The following MIPOL1 variants were observed in gnomAD, a reference collection of about 807,000 sequenced individuals.
MIPOL1 encodes the protein mirror-image polydactyly 1.
In MIPOL1, 57 loss-of-function variants were observed where a neutral mutation model predicts 60.9. The observed-to-expected ratio is 0.94, with a 90% CI of 0.76 to 1.17. MIPOL1 has a LOEUF of 1.17. Among genes scored for constraint, MIPOL1 ranks in the 50% most tolerant of loss-of-function variants. The pLI is 0.00. For missense variants in MIPOL1, 551 were observed against 511.6 expected (o/e 1.08, Z -0.74); for synonymous variants, 179 against 168.8 (o/e 1.06, Z -0.47).
intron 10 of MIPOL1, among the ~76,000 whole-genome samples, chr14:37,420,504 A>G (rs1316158054): frequency 2.0e-5 from 3 of 152,186 alleles, no homozygotes. Context: ...TATTTTTGAC[A>G]TATAGTATGA....
At chr14:37,437,519 T>C (rs754352934) in intron 11 of MIPOL1, among the ~76,000 whole-genome samples, 3 of 152,204 alleles carry the variant, frequency 2.0e-5, no homozygotes, top group Non-Finnish European at 4.4e-5. Flanking sequence ...GAAAACGTCA[T>C]ATATTTCTAA....
chr14:37,309,806 C>A (rs577760783), intron 9 of MIPOL1, among the ~76,000 whole-genome samples: 9 of 151,992 alleles, frequency 5.9e-5, no homozygotes, highest in South Asian at 4.2e-4. Flanking sequence ...TCTGTCTCAG[C>A]CTCCTGAGTA....
chr14:37,226,379 T>C (rs1414142090), intron 1 of MIPOL1, among the ~76,000 whole-genome samples: 2 of 152,216 alleles, frequency 1.3e-5, no homozygotes, highest in African/African-American at 2.4e-5. Context: ...CTCACAGTTC[T>C]ACGTGGATGG....
At chr14:37,245,085 A>G (rs979696335) in intron 1 of MIPOL1, among the ~76,000 whole-genome samples, 8 of 152,168 alleles carry the variant, frequency 5.3e-5, no homozygotes, top group East Asian at 3.8e-4. Context: ...TATGAAGCCT[A>G]TTTAATCAGG....
intron 10 of MIPOL1, among the ~76,000 whole-genome samples, chr14:37,404,084 T>C (rs1235617187): frequency 1.3e-5 from 2 of 152,200 alleles, no homozygotes; most frequent in Admixed American, 6.5e-5. Flanking sequence ...TAATTAATGG[T>C]ATTTTATCAG....
intron 11 of MIPOL1, among the ~76,000 whole-genome samples, chr14:37,444,280 G>A (rs186180799): frequency 2.0e-5 from 3 of 152,170 alleles, no homozygotes; most frequent in East Asian, 3.9e-4. Flanking sequence ...ACTTATTCTA[G>A]TAGCTTTTTA....
chr14:37,322,422 G>A (rs1008613971), intron 9 of MIPOL1, among the ~76,000 whole-genome samples: 10 of 151,878 alleles, frequency 6.6e-5, no homozygotes, highest in Non-Finnish European at 1.3e-4. Context: ...TTTTGAGAAA[G>A]TCATGTTTGA....
Position 37,273,516 on chromosome 14 carries a change from C to T in MIPOL1, c.493+2991C>T, listed in dbSNP as rs1356751934. 2.7e-5 allele frequency among the ~76,000 whole-genome samples: 4 copies of T among 150,800 alleles called. No homozygotes were observed. The South Asian group carries it at 6.3e-4, about 24-fold the overall frequency. ...CCCTTTTTTTAGTCTTTCAGCTTTTCCTTGTATTTATTTTTATATATTTAT... is the reference window on the plus strand; with the variant it reads ...CCCTTTTTTTAGTCTTTCAGCTTTTTCTTGTATTTATTTTTATATATTTAT... On this transcript the variant is annotated intron_variant, in intron 6 of 12. Coordinates refer to ENST00000684589, the MANE Select transcript of MIPOL1 (RefSeq NM_001388067.1).
chr14:37,303,656 A>G (rs2086522364), intron 7 of MIPOL1, among the ~76,000 whole-genome samples: 2 of 151,826 alleles, frequency 1.3e-5, no homozygotes, highest in South Asian at 4.1e-4. Flanking sequence ...AAGAATGGGA[A>G]TGGGAGAAAA....
chr14:37,359,954 G>T (rs1171439285), intron 9 of MIPOL1, among the ~76,000 whole-genome samples: 4 of 152,104 alleles, frequency 2.6e-5, no homozygotes, highest in Admixed American at 2.0e-4. Flanking sequence ...TTGGCTGTGG[G>T]TTTGTCATAA....
intron 9 of MIPOL1, among the ~76,000 whole-genome samples, chr14:37,339,088 G>C (rs1218157466): frequency 6.6e-6 from 1 of 152,204 alleles, no homozygotes; most frequent in African/African-American, 2.4e-5. Context: ...TTATAAAACA[G>C]TGGACTTGTA....
intron 7 of MIPOL1, among the ~76,000 whole-genome samples, chr14:37,292,004 C>A (rs552617719): frequency 6.9e-5 from 10 of 144,668 alleles, no homozygotes; most frequent in Non-Finnish European, 1.5e-4. Context: ...CGGCACACTG[C>A]AAGCTCCACC....
chr14:37,423,533 G>A (rs2093911716), intron 11 of MIPOL1: 1 of 151,814 alleles, frequency 6.6e-6, no homozygotes, highest in African/African-American at 2.4e-5. Context: ...AGGTTTGTAT[G>A]TGAGAAAGAG....
intron 9 of MIPOL1, among the ~76,000 whole-genome samples, chr14:37,317,055 G>C (rs567693010): frequency 6.5e-4 from 99 of 152,046 alleles, no homozygotes; most frequent in Non-Finnish European, 1.2e-3. Flanking sequence ...ATAGGAAATA[G>C]GTTCTAGAAC....
chr14:37,329,154 G>T (rs1339125163), intron 9 of MIPOL1, among the ~76,000 whole-genome samples: 1 of 151,750 alleles, frequency 6.6e-6, no homozygotes, highest in African/African-American at 2.4e-5. Flanking sequence ...CACTAAGATT[G>T]CTCTTAAGTT....
chr14:37,376,486 T>C (rs1186013388), intron 10 of MIPOL1, among the ~76,000 whole-genome samples: 5 of 152,152 alleles, frequency 3.3e-5, no homozygotes, highest in South Asian at 4.1e-4. Context: ...TTTTGATGGC[T>C]TTATAGCTCC....
chr14:37,392,967 A>C (rs564184016), intron 10 of MIPOL1, among the ~76,000 whole-genome samples: 3 of 152,118 alleles, frequency 2.0e-5, no homozygotes, highest in Admixed American at 2.0e-4. Context: ...CATAAATGTA[A>C]TTGAGTTAAA....
rs2094062622 is a variant in MIPOL1 at position 37,431,443 on chromosome 14, C to CT, written c.1031+8497dup. 1.3e-5 allele frequency among the ~76,000 whole-genome samples: 2 copies of CT among 151,990 alleles called. 1 individual carries two copies. The highest frequency in any genetic ancestry group is 4.8e-5 in the African/African-American group (2 of 41,494). On this transcript the variant is annotated intron_variant, in intron 11 of 12. Transcript: ENST00000684589. ...CTTACTTCTCTTAAGATTCCTGAAA[C>CT]TTTATTTTCACCCTCTGATTCAGCC... is the stretch of plus-strand genomic sequence containing the variant.
intron 10 of MIPOL1, among the ~76,000 whole-genome samples, chr14:37,379,933 GA>G (rs1196043770): frequency 7.9e-5 from 12 of 151,980 alleles, no homozygotes; most frequent in African/African-American, 2.9e-4. Context: ...CTTTCTATAA[GA>G]AATCTGATGC....
Sources: gnomAD v4.1 joint callset for allele counts (sites outside exome capture counted in the v4.1 genomes callset) on GRCh38, gnomAD v4.1.1 for gene constraint, MANE v1.5 for transcripts, NCBI Gene and HGNC (gene_info 2026-07-23, HGNC 2026-07-21) for gene names.